CARMIL2: variants seen among roughly 807,000 people sequenced by gnomAD.
CARMIL2 encodes the protein capping protein regulator and myosin 1 linker 2.
Under a neutral mutation model 173.3 loss-of-function variants are expected in CARMIL2, and 96 were observed. The ratio of observed to expected loss-of-function variants is 0.55; its 90% CI spans 0.47 to 0.66. CARMIL2 has a LOEUF of 0.66. Ranked by LOEUF, CARMIL2 falls within the 30% of genes least tolerant of loss-of-function variation. The pLI, the probability that CARMIL2 is intolerant of heterozygous loss-of-function variation, is 0.00. For missense variants in CARMIL2, 1,771 were observed against 1,906.7 expected, an observed-to-expected ratio of 0.93 and a Z score of 1.33; for synonymous variants, 830 against 817.1, an observed-to-expected ratio of 1.02 and a Z score of -0.27.
Position 67,649,436 on chromosome 16 carries a change from C to T in CARMIL2, c.1747-11C>T, listed in dbSNP as rs772054991. On this transcript the variant is annotated splice_polypyrimidine_tract_variant and intron_variant, in intron 19 of 37. Coordinates refer to ENST00000334583, the MANE Select transcript of CARMIL2 (RefSeq NM_001013838.3). This position sits in a 1 kb window ranked among gnomAD's most constrained non-coding sequence, Gnocchi z 6.7. ...TGACTCCAGCCATCAATGGCTTTCT[C>T]TTAACCCCAGCCTCTTCAGTCTCTG... The T allele has an allele frequency of 1.2e-5, 20 of 1,611,988 alleles. No homozygotes were observed. The highest frequency in any genetic ancestry group is 1.4e-5 in the Non-Finnish European group (17 of 1,179,892).
At chr16:67,650,794 G>A in intron 22 of CARMIL2, 1 of 194,868 alleles carries the variant, frequency 5.1e-6, no homozygotes, top group Non-Finnish European at 1.1e-5. Context: ...CCTTCGTCCT[G>A]CCTCTAGACC....
At position 67,648,943 on chromosome 16, in the gene CARMIL2, C is replaced by A. The variant is rs1811336872; in HGVS notation, c.1560C>A (p.Gly520=). The A allele has an allele frequency of 6.2e-7, 1 of 1,609,802 alleles. No homozygotes were observed. Among genetic ancestry groups the A allele is most frequent in the East Asian group, 2.2e-5 (1 of 44,664 alleles). The part of the protein sequence containing the change: ...QVIQDLVCDA[G]AVSSLDLADN... ...TACAAGACTTAGTGTGCGACGCAGG[C>A]GCTGTGAGCTCCCTGGATCTGGCGG... Residue 520 remains glycine, a synonymous_variant, in exon 17 of 38, where the codon GGC becomes GGA. Transcript: ENST00000334583. The surrounding 1 kb of genome is among the most constrained non-coding windows in gnomAD (Gnocchi z 6.1).
chr16:67,652,356 C>T lies in CARMIL2; in HGVS notation c.2817+17C>T. On this transcript the variant is annotated intron_variant, in intron 27 of 37. Coordinates refer to ENST00000334583, the MANE Select transcript of CARMIL2 (RefSeq NM_001013838.3). This position sits in a 1 kb window ranked among gnomAD's most constrained non-coding sequence, Gnocchi z 4.7. Reference sequence around the variant, plus strand: ...AAGGAGAAGGTAAGTGGTTTTAGAACACGGGGCATGGCACTCCCAGTCTTC... The same window carrying T: ...AAGGAGAAGGTAAGTGGTTTTAGAATACGGGGCATGGCACTCCCAGTCTTC... 6.2e-7 allele frequency: 1 copy of T among 1,613,040 alleles called. No homozygotes were observed. The highest frequency in any genetic ancestry group is 1.3e-5 in the African/African-American group (1 of 75,042).
At chr16:67,656,973 G>A in intron 36 of CARMIL2, 92 bp downstream of exon 36, 1 of 1,062,344 alleles carries the variant, frequency 9.4e-7, no homozygotes, top group Non-Finnish European at 1.4e-6. Context: ...TCCTTGGAGG[G>A]AGCCACCAGT....
intron 8 of CARMIL2, 59 bp from the exon 9 acceptor site, chr16:67,647,057 G>C: frequency 6.2e-7 from 1 of 1,608,620 alleles, no homozygotes; most frequent in Non-Finnish European, 8.5e-7. Context: ...AGGGGCTGCT[G>C]GGCCTGGGAC....
In CARMIL2 at chr16:67,649,032, T is replaced by C; in HGVS notation, c.1592-44T>C. 6.2e-7 allele frequency: 1 copy of C among 1,602,950 alleles called. No individual in the cohort carries two copies. Among genetic ancestry groups the C allele is most frequent in the South Asian group, 1.1e-5 (1 of 89,238 alleles). On this transcript the variant is annotated intron_variant, in intron 17 of 37. Transcript: ENST00000334583. The surrounding 1 kb of genome is among the most constrained non-coding windows in gnomAD (Gnocchi z 6.7). ...TCCACTCGATTCCCAATCCCCACCC[T>C]ACCCTTGCAACTTCGCCTCGTGCGT... is the stretch of plus-strand genomic sequence containing the variant.
Position 67,645,253 on chromosome 16 carries a change from C to CAG in CARMIL2, c.9_10dup (p.Thr4ArgfsTer27), listed in dbSNP as rs2052572123. The CAG allele has an allele frequency of 6.2e-7, 1 of 1,600,288 alleles. No individual in the cohort carries two copies. Among genetic ancestry groups the CAG allele is most frequent in the South Asian group, 1.1e-5 (1 of 88,740 alleles). ...TCCCCGGCCCGCCCGGCCCATGGCC[C>CAG]AGACCCCCGACGGCATCTCCTGTGA... On this transcript the variant is annotated frameshift_variant, in exon 1 of 38. Transcript: ENST00000334583. LOFTEE classifies it high-confidence loss of function.
chr16:67,650,961 C>T (rs1415882161), intron 22 of CARMIL2: 16 of 513,702 alleles, frequency 3.1e-5, no homozygotes, highest in Non-Finnish European at 4.8e-5. Flanking sequence ...ATTTACAACT[C>T]CTTTCCTTCC....
Position 67,652,781 on chromosome 16 carries a change from C to T in CARMIL2, c.2885-238C>T, listed in dbSNP as rs960731750. Among the ~76,000 whole-genome samples, 7 of 151,906 alleles carry T rather than the reference C, an allele frequency of 4.6e-5. No homozygotes were observed. The highest frequency in any genetic ancestry group is 1.4e-4 in the African/African-American group (6 of 41,420). On this transcript the variant is annotated intron_variant, in intron 28 of 37. Transcript: ENST00000334583. The surrounding 1 kb of genome is among the most constrained non-coding windows in gnomAD (Gnocchi z 4.7). ...CAGCTCGCCTCCCCGCGCCCCTTTC[C>T]CTACCCCAGGGACGCGCATGCTGGG...
In CARMIL2 at chr16:67,646,298, G is replaced by A. The variant is rs755572102; in HGVS notation, c.362G>A (p.Arg121His). 74 of 1,613,392 alleles carry A rather than the reference G, an allele frequency of 4.6e-5. No individual in the cohort carries two copies. The highest frequency in any genetic ancestry group is 8.3e-5 in the Admixed American group (5 of 59,950). ...VAAAIKKVFP[R>H]STLGKLFRRP... ...GCAGCCATCAAGAAGGTCTTCCCTC[G>A]CTCGACCCTTGGGTGAGGCCTGGCA... Residue 121 changes from arginine to histidine, a missense_variant, in exon 5 of 38, where the codon CGC becomes CAC. Arg to His is a conservative substitution (Grantham distance 29, BLOSUM62 0). Transcript: ENST00000334583. This position sits in a 1 kb window ranked among gnomAD's most constrained non-coding sequence, Gnocchi z 4.6.
In CARMIL2 at chr16:67,647,532, G is replaced by A; in HGVS notation, c.801G>A (p.Gln267=). 6.2e-7 allele frequency: 1 copy of A among 1,609,050 alleles called. No individual in the cohort carries two copies. The highest frequency in any genetic ancestry group is 8.5e-7 in the Non-Finnish European group (1 of 1,178,076). ...LRGDFVRRLA[Q]ALAGHSSSGL... ...GAGACTTTGTCCGACGACTGGCCCA[G>A]GCGCTGGCGGGACACTCAAGCTCTG... Residue 267 remains glutamine, a synonymous_variant, in exon 11 of 38, where the codon CAG becomes CAA. Coordinates refer to ENST00000334583, the MANE Select transcript of CARMIL2 (RefSeq NM_001013838.3).
chr16:67,647,259 C>A, intron 9 of CARMIL2, 40 bp from the exon 10 acceptor site: 9 of 1,610,500 alleles, frequency 5.6e-6, no homozygotes, highest in Non-Finnish European at 7.6e-6. Context: ...CCGCTGAGGG[C>A]CAGGGTGCAG....
Position 67,648,035 on chromosome 16 carries a change from C to A in CARMIL2, c.1072-17C>A, listed in dbSNP as rs2052632875. On this transcript the variant is annotated splice_polypyrimidine_tract_variant and intron_variant, in intron 13 of 37. Coordinates refer to ENST00000334583, the MANE Select transcript of CARMIL2 (RefSeq NM_001013838.3). This position sits in a 1 kb window ranked among gnomAD's most constrained non-coding sequence, Gnocchi z 6.1. ...TAGGCGATCCCCCACTCCATCGCAC[C>A]CCTGTCCTCCCTCCAGGGCCTCTAT... 5 of 1,610,240 alleles carry A rather than the reference C, an allele frequency of 3.1e-6. No homozygotes were observed. Among genetic ancestry groups the A allele is most frequent in the Non-Finnish European group, 4.2e-6 (5 of 1,178,512 alleles).
chr16:67,646,094 T>C lies in CARMIL2; in HGVS notation c.249+14T>C. On this transcript the variant is annotated intron_variant, in intron 4 of 37. Coordinates refer to ENST00000334583, the MANE Select transcript of CARMIL2 (RefSeq NM_001013838.3). The surrounding 1 kb of genome is among the most constrained non-coding windows in gnomAD (Gnocchi z 4.6). Reference sequence around the variant, plus strand: ...ACACCCCCTCAGGTGAGACACCTAGTACCCTACCTGGGCCTGCAGCCTGGT... The same window carrying C: ...ACACCCCCTCAGGTGAGACACCTAGCACCCTACCTGGGCCTGCAGCCTGGT... 1.2e-6 allele frequency: 2 copies of C among 1,613,772 alleles called. No homozygotes were observed. Among genetic ancestry groups the C allele is most frequent in the South Asian group, 2.2e-5 (2 of 91,078 alleles).
At chr16:67,650,238 T>C in intron 22 of CARMIL2, 88 bp downstream of exon 22, 2 of 1,142,372 alleles carry the variant, frequency 1.8e-6, no homozygotes, top group Non-Finnish European at 2.5e-6. Context: ...GGTCTGACTT[T>C]CCTGGGGCCA....
Position 67,646,699 on chromosome 16 carries a change from C to A in CARMIL2, c.467-15C>A, listed in dbSNP as rs769400146. 1.9e-6 allele frequency: 3 copies of A among 1,613,650 alleles called. No homozygotes were observed. The South Asian group carries it at 3.3e-5, about 18-fold the overall frequency. On this transcript the variant is annotated splice_polypyrimidine_tract_variant and intron_variant, in intron 6 of 37. Transcript: ENST00000334583. The surrounding 1 kb of genome is among the most constrained non-coding windows in gnomAD (Gnocchi z 4.6). ...CTCTCTCCTTTTCCACATCGCACCC[C>A]TATCCCCTCCCCAGGTGGCTTCTTG... is the stretch of plus-strand genomic sequence containing the variant.
chr16:67,649,084 T>C lies in CARMIL2; in HGVS notation c.1600T>C (p.Ser534Pro). The C allele has an allele frequency of 6.2e-7, 1 of 1,612,740 alleles. No individual in the cohort carries two copies. The highest frequency in any genetic ancestry group is 8.5e-7 in the Non-Finnish European group (1 of 1,179,516). ...ACCCGAGTCACCCCCAGGCTTCGGC[T>C]CAGACATGGTGACTCTGGTGCTGGC... is the stretch of plus-strand genomic sequence containing the variant. The part of the protein sequence containing the change: ...SLDLADNGFG[S>P]DMVTLVLAIG... Residue 534 changes from serine to proline, a missense_variant, in exon 18 of 38, where the codon TCA becomes CCA. Physicochemically the swap from Ser to Pro is moderately conservative, Grantham distance 74. Transcript: ENST00000334583. The surrounding 1 kb of genome is among the most constrained non-coding windows in gnomAD (Gnocchi z 6.7).
In CARMIL2 at chr16:67,647,705, C is replaced by A; in HGVS notation, c.897C>A (p.Leu299=). ...GCATGACTGCACTCAGCAGACACCT[C>A]GAGCGTTGTCCAGGAGCCCTGAGGA... ...DRGMTALSRH[L]ERCPGALRRL... Residue 299 remains leucine, a synonymous_variant, in exon 12 of 38, where the codon CTC becomes CTA. Coordinates refer to ENST00000334583, the MANE Select transcript of CARMIL2 (RefSeq NM_001013838.3). The A allele has an allele frequency of 1.3e-6, 2 of 1,598,200 alleles. No homozygotes were observed. Among genetic ancestry groups the A allele is most frequent in the Non-Finnish European group, 8.5e-7 (1 of 1,174,114 alleles).
chr16:67,648,472 C>G lies in CARMIL2; in HGVS notation c.1409C>G (p.Ala470Gly), dbSNP rs1020381460. The change falls in exon 15 of 38, where the codon GCG (alanine) becomes GGG (glycine). Residue 470 changes from alanine (A) to glycine (G), a missense_variant. Ala to Gly is a moderately conservative substitution (Grantham distance 60, BLOSUM62 0). This residue lies in a region of CARMIL2 where 944 missense variants were observed against 975.6 expected (regional missense o/e 0.97). Transcript: ENST00000334583. The surrounding 1 kb of genome is among the most constrained non-coding windows in gnomAD (Gnocchi z 6.1). ...RARTLRHLGL[A>G]GCKLPPDALR... ...CGGACGCTGCGGCACCTGGGCCTGG[C>G]GGGCTGCAAGCTGCCGCCCGACGCG... The G allele has an allele frequency of 1.4e-6, 2 of 1,437,810 alleles. No individual in the cohort carries two copies. The highest frequency in any genetic ancestry group is 1.5e-5 in the African/African-American group (1 of 67,238). The allele number at this position is 1,437,810 out of a possible 1,614,324, so 89.1% of individuals were successfully genotyped here.
Sources: gnomAD v4.1 joint callset for allele counts (sites outside exome capture counted in the v4.1 genomes callset) on GRCh38, gnomAD v4.1.1 for gene constraint, gnomAD v4.1.1 regional missense constraint, Gnocchi (gnomAD v3.1) non-coding constraint, MANE v1.5 for transcripts, NCBI Gene and HGNC (gene_info 2026-07-23, HGNC 2026-07-21) for gene names.